The following CCNG2 variants were observed in gnomAD, a reference collection of about 807,000 sequenced individuals.
CCNG2 encodes the protein cyclin G2, also known as cyclin-G2.
Under a neutral mutation model 36.5 loss-of-function variants are expected in CCNG2, and 20 were observed. The ratio of observed to expected loss-of-function variants is 0.55; its 90% CI spans 0.39 to 0.80. CCNG2 has a LOEUF of 0.80. Ranked by LOEUF, CCNG2 falls within the 30% of genes least tolerant of loss-of-function variation. CCNG2 has a pLI of 0.00. For synonymous variants in CCNG2, 155 were observed against 140.1 expected (o/e 1.11, Z -0.75); for missense variants, 358 against 390.8 (o/e 0.92, Z 0.71).
chr4:77,165,739 T>C, intron 7 of CCNG2, 62 bp from the exon 8 acceptor site: 4 of 1,383,746 alleles, frequency 2.9e-6, no homozygotes, highest in East Asian at 5.0e-5. Context: ...ATTTTGGCTA[T>C]AAAACATTTA....
Position 77,159,478 on chromosome 4 carries a change from T to G in CCNG2, c.250T>G (p.Leu84Val). 1 of 1,613,880 alleles carries G rather than the reference T, an allele frequency of 6.2e-7. No homozygotes were observed. The change falls in exon 3 of 8, where the codon TTG becomes GTG. Residue 84 changes from leucine to valine, a missense_variant. Transcript: ENST00000316355. ...TETFVLAVNI[L>V]DRFLALMKVK... is the part of the protein sequence containing the mutation. ...AACTTTTGTCCTGGCTGTCAATATT[T>G]TGGACAGGTTCTTGGCTCTTATGAA...
In CCNG2 at chr4:77,167,710, A is replaced by G. The variant is rs752641793; in HGVS notation, c.*1786A>G. ...CCCATCTGTCTAGTTTGATTTTTGTAGACCTTTGTTTTCTCTAGTTAGAAA... is the reference window on the plus strand; with the variant it reads ...CCCATCTGTCTAGTTTGATTTTTGTGGACCTTTGTTTTCTCTAGTTAGAAA... On this transcript the variant is annotated 3_prime_UTR_variant, in exon 8 of 8. Coordinates refer to ENST00000316355, the MANE Select transcript of CCNG2 (RefSeq NM_004354.3). The G allele has an allele frequency of 6.6e-6, 1 of 152,112 alleles. No individual in the cohort carries two copies. Among genetic ancestry groups the G allele is most frequent in the Non-Finnish European group, 1.5e-5 (1 of 68,014 alleles). 9.4% of individuals were successfully genotyped at this position (152,112 alleles called of 1,614,324 possible). A position where few individuals can be genotyped will look rare whatever the true frequency, so the allele number is the denominator to read the frequency against.
In CCNG2 at chr4:77,168,328, A is replaced by C. The variant is rs898395237; in HGVS notation, c.*2404A>C. On this transcript the variant is annotated 3_prime_UTR_variant, in exon 8 of 8. Coordinates refer to ENST00000316355, the MANE Select transcript of CCNG2 (RefSeq NM_004354.3). ...GGCATGGTTTAGACCTGTACTCTTT[A>C]TCAGCAGAGGTACTGTAATATATTT... 6.6e-6 allele frequency: 1 copy of C among 152,208 alleles called. No individual in the cohort carries two copies. Among genetic ancestry groups the C allele is most frequent in the African/African-American group, 2.4e-5 (1 of 41,438 alleles). 9.4% of individuals were successfully genotyped at this position (152,208 alleles called of 1,614,324 possible). A position where few individuals can be genotyped will look rare whatever the true frequency, so the allele number is the denominator to read the frequency against.
At chr4:77,163,264 G>C (rs1302017368) in intron 6 of CCNG2, among the ~76,000 whole-genome samples, 1 of 152,094 alleles carries the variant, frequency 6.6e-6, no homozygotes, top group Non-Finnish European at 1.5e-5. Flanking sequence ...AGTGAAGAAA[G>C]GTACATCCCC....
rs1376114138 is a variant in CCNG2 at position 77,168,692 on chromosome 4, T to C, written c.*2768T>C. ...TGTGGATGAGGAAGAGAGGTGAAAA[T>C]TGAGAAGCGCTATCCTTTCTCTTTG... is the stretch of plus-strand genomic sequence containing the variant. On this transcript the variant is annotated 3_prime_UTR_variant, in exon 8 of 8. Transcript: ENST00000316355. The C allele has an allele frequency of 1.3e-5, 2 of 152,202 alleles. No individual in the cohort carries two copies. The highest frequency in any genetic ancestry group is 4.8e-5 in the African/African-American group (2 of 41,372). 9.4% of individuals were successfully genotyped at this position (152,202 alleles called of 1,614,324 possible).
intron 6 of CCNG2, among the ~76,000 whole-genome samples, chr4:77,162,970 C>G (rs1731527558): frequency 6.6e-6 from 1 of 151,822 alleles, no homozygotes; most frequent in Non-Finnish European, 1.5e-5. Flanking sequence ...AAGATTTGTA[C>G]CTAATGGTGG....
In CCNG2 at chr4:77,159,408, T is replaced by C. The variant is rs1731365576; in HGVS notation, c.180T>C (p.Val60=). ...GTCCAGGATTGAGAAATGCCAAAGT[T>C]GAAGATTTAAGGAGTTTAGCCAACT... ...TLCPGLRNAK[V]EDLRSLANFF... The change falls in exon 3 of 8, where the codon GTT becomes GTC. Residue 60 remains valine (V), a synonymous_variant. Coordinates refer to ENST00000316355, the MANE Select transcript of CCNG2 (RefSeq NM_004354.3). 6.2e-7 allele frequency: 1 copy of C among 1,613,718 alleles called. No individual in the cohort carries two copies. Among genetic ancestry groups the C allele is most frequent in the Non-Finnish European group, 8.5e-7 (1 of 1,179,858 alleles).
Position 77,169,295 on chromosome 4 carries a change from C to T in CCNG2, c.*3371C>T, listed in dbSNP as rs1731708372. On this transcript the variant is annotated 3_prime_UTR_variant, in exon 8 of 8. Coordinates refer to ENST00000316355, the MANE Select transcript of CCNG2 (RefSeq NM_004354.3). ...GCAAATTGTCAGCTTATTGAGACAA[C>T]CCACTTAGATTCATATATGGACAAG... is the stretch of plus-strand genomic sequence containing the variant. 6.6e-6 allele frequency: 1 copy of T among 152,232 alleles called. No individual in the cohort carries two copies. Among genetic ancestry groups the T allele is most frequent in the African/African-American group, 2.4e-5 (1 of 41,456 alleles). 9.4% of individuals were successfully genotyped at this position (152,232 alleles called of 1,614,324 possible). A position where few individuals can be genotyped will look rare whatever the true frequency, so the allele number is the denominator to read the frequency against.
At chr4:77,159,914 C>T (rs1374290470) in intron 3 of CCNG2, among the ~76,000 whole-genome samples, 1 of 152,170 alleles carries the variant, frequency 6.6e-6, no homozygotes, top group African/African-American at 2.4e-5. Flanking sequence ...CTAGAAGTCT[C>T]TTCAAAGCAG....
In CCNG2 at chr4:77,167,990, T is replaced by G. The variant is rs947550049; in HGVS notation, c.*2066T>G. On this transcript the variant is annotated 3_prime_UTR_variant, in exon 8 of 8. Transcript: ENST00000316355. ...TTGTATTGCTTTTCTTACTGGATAT[T>G]TTTCCTGGGTAAGCATCTTTGTGGC... 6.6e-6 allele frequency: 1 copy of G among 152,232 alleles called. No individual in the cohort carries two copies. Among genetic ancestry groups the G allele is most frequent in the Non-Finnish European group, 1.5e-5 (1 of 68,056 alleles). The allele number at this position is 152,232 out of a possible 1,614,324, so 9.4% of individuals were successfully genotyped here. A position where few individuals can be genotyped will look rare whatever the true frequency, so the allele number is the denominator to read the frequency against.
Position 77,166,681 on chromosome 4 carries a change from A to G in CCNG2, c.*757A>G, listed in dbSNP as rs1007335387. 3.3e-5 allele frequency: 5 copies of G among 152,242 alleles called. No individual in the cohort carries two copies. Among genetic ancestry groups the G allele is most frequent in the African/African-American group, 1.2e-4 (5 of 41,462 alleles). 9.4% of individuals were successfully genotyped at this position (152,242 alleles called of 1,614,324 possible). A position where few individuals can be genotyped will look rare whatever the true frequency, so the allele number is the denominator to read the frequency against. Reference sequence around the variant, plus strand: ...TGTACTTATATGAAAACAGTGCAGTAAGTTGAAAACTCAGTATCTATGGAA... The same window carrying G: ...TGTACTTATATGAAAACAGTGCAGTGAGTTGAAAACTCAGTATCTATGGAA... On this transcript the variant is annotated 3_prime_UTR_variant, in exon 8 of 8. Transcript: ENST00000316355.
chr4:77,161,420 CATTTAAAAT>C, intron 4 of CCNG2, 51 bp from the exon 5 acceptor site: 1 of 1,118,142 alleles, frequency 8.9e-7, no homozygotes, highest in South Asian at 1.5e-5. Context: ...TATTTAAAAT[CATTTAAAAT>C]CATTTAAATC....
intron 4 of CCNG2, 91 bp from the exon 5 acceptor site, chr4:77,161,389 A>AC (rs1731431855): frequency 1.0e-6 from 1 of 984,916 alleles, no homozygotes; most frequent in East Asian, 2.6e-5. Context: ...GGCGTGAGAC[A>AC]CCGCGTCTGG....
At chr4:77,164,794 T>C in intron 7 of CCNG2, 1 of 194,504 alleles carries the variant, frequency 5.1e-6, no homozygotes, top group South Asian at 1.2e-4. Context: ...TGCCTCAGCC[T>C]CCGAAGTGCT....
At chr4:77,158,410 C>T in intron 1 of CCNG2, 123 bp from the exon 2 acceptor site, 3 of 935,492 alleles carry the variant, frequency 3.2e-6, no homozygotes, top group Non-Finnish European at 3.4e-6. Flanking sequence ...GGTCCCTTCA[C>T]CCGCTCCTTG....
In CCNG2 at chr4:77,169,966, T is replaced by C. The variant is rs1377232927; in HGVS notation, c.*4042T>C. On this transcript the variant is annotated 3_prime_UTR_variant, in exon 8 of 8. Transcript: ENST00000316355. ...CTGGTGAGATTACAGGTGATGTTTTTTTTAAGTTATGCCTATCTGTAGTTT... is the reference window on the plus strand; with the variant it reads ...CTGGTGAGATTACAGGTGATGTTTTCTTTAAGTTATGCCTATCTGTAGTTT... 6.6e-6 allele frequency: 1 copy of C among 152,250 alleles called. No individual in the cohort carries two copies. Among genetic ancestry groups the C allele is most frequent in the Non-Finnish European group, 1.5e-5 (1 of 68,048 alleles). 9.4% of individuals were successfully genotyped at this position (152,250 alleles called of 1,614,324 possible). A position where few individuals can be genotyped will look rare whatever the true frequency, so the allele number is the denominator to read the frequency against.
In CCNG2 at chr4:77,161,789, A is replaced by G. The variant is rs368998045; in HGVS notation, c.705+42A>G. 274 of 1,276,162 alleles carry G rather than the reference A, an allele frequency of 2.1e-4. 3 individuals carry two copies. In the South Asian group the frequency reaches 3.3e-3, roughly 15 times the overall value. 79.1% of individuals were successfully genotyped at this position (1,276,162 alleles called of 1,614,324 possible). A position where few individuals can be genotyped will look rare whatever the true frequency, so the allele number is the denominator to read the frequency against. ...TTCTTTAAGGCAAATTTTTTTCCTG[A>G]TGTTTATTTTTTTCTGTGGTGACTT... On this transcript the variant is annotated intron_variant, in intron 6 of 7. Transcript: ENST00000316355.
intron 1 of CCNG2, among the ~76,000 whole-genome samples, chr4:77,157,977 C>A (rs1433208939): frequency 6.6e-6 from 1 of 152,024 alleles, no homozygotes; most frequent in Admixed American, 6.5e-5. Flanking sequence ...TCGGGTAAGT[C>A]CGGAATCGGC....
chr4:77,167,962 G>A lies in CCNG2; in HGVS notation c.*2038G>A, dbSNP rs1731671426. 1 of 152,222 alleles carries A rather than the reference G, an allele frequency of 6.6e-6. No individual in the cohort carries two copies. The highest frequency in any genetic ancestry group is 6.5e-5 in the Admixed American group (1 of 15,282). 9.4% of individuals were successfully genotyped at this position (152,222 alleles called of 1,614,324 possible). A position where few individuals can be genotyped will look rare whatever the true frequency, so the allele number is the denominator to read the frequency against. On this transcript the variant is annotated 3_prime_UTR_variant, in exon 8 of 8. Coordinates refer to ENST00000316355, the MANE Select transcript of CCNG2 (RefSeq NM_004354.3). ...CTCAAGACTCTCTTTAGCTCCTGCA[G>A]GATTGTATTGCTTTTCTTACTGGAT... is the stretch of plus-strand genomic sequence containing the variant.
Sources: gnomAD v4.1 joint callset for allele counts (sites outside exome capture counted in the v4.1 genomes callset) on GRCh38, gnomAD v4.1.1 for gene constraint, MANE v1.5 for transcripts, NCBI Gene and HGNC (gene_info 2026-07-23, HGNC 2026-07-21) for gene names.